TNR: variants seen among roughly 807,000 people sequenced by gnomAD.
TNR encodes the protein tenascin R.
In TNR, 45 loss-of-function variants were observed where a neutral mutation model predicts 150.4. That is an observed-to-expected ratio of 0.30 (90% CI 0.24 to 0.38). The LOEUF (loss-of-function observed/expected upper bound fraction) is 0.38. Among genes scored for constraint, TNR ranks in the 10% least tolerant of loss-of-function variants. TNR has a pLI of 1.00. For missense variants in TNR, 1,544 were observed against 1,759.1 expected, an observed-to-expected ratio of 0.88 and a Z score of 2.19; for synonymous variants, 687 against 678.4, an observed-to-expected ratio of 1.01 and a Z score of -0.20.
intron 1 of TNR, among the ~76,000 whole-genome samples, chr1:175,727,326 C>A (rs902376224): frequency 6.6e-6 from 1 of 152,154 alleles, no homozygotes. Context: ...TGCTGAGAGG[C>A]CAAGTACCAA....
At chr1:175,475,741 C>G (rs1051380929) in intron 2 of TNR, among the ~76,000 whole-genome samples, 2 of 151,934 alleles carry the variant, frequency 1.3e-5, no homozygotes, top group Admixed American at 6.6e-5. Flanking sequence ...AATTAAGAAC[C>G]CCATGTGTTC....
intron 1 of TNR, among the ~76,000 whole-genome samples, chr1:175,548,439 T>A (rs1660800554): frequency 6.6e-6 from 1 of 152,170 alleles, no homozygotes; most frequent in South Asian, 2.1e-4. Context: ...ATTGGTTTAC[T>A]GATGCCAAGT....
intron 18 of TNR, among the ~76,000 whole-genome samples, chr1:175,345,979 C>T (rs73036254): frequency 0.023 from 3,543 of 152,146 alleles, 137 homozygotes; most frequent in African/African-American, 0.08. Flanking sequence ...GATTAACATT[C>T]GACTTCTCAA....
At chr1:175,478,898 A>G (rs1190347140) in intron 2 of TNR, among the ~76,000 whole-genome samples, 1 of 152,210 alleles carries the variant, frequency 6.6e-6, no homozygotes, top group African/African-American at 2.4e-5. Flanking sequence ...GCAGACATTA[A>G]AAGGAAATAG....
Position 175,331,086 on chromosome 1 carries a change from T to C in TNR, c.3632-851A>G, listed in dbSNP as rs1287659320. Reference sequence around the variant, plus strand: ...CTTTCTTTCTTTCTTTCCTTCTTTCTTTCTTTCTTTCTTTCTCTCTCTCTT... The same window carrying C: ...CTTTCTTTCTTTCTTTCCTTCTTTCCTTCTTTCTTTCTTTCTCTCTCTCTT... On this transcript the variant is annotated intron_variant, in intron 20 of 22. Coordinates refer to ENST00000367674, the MANE Select transcript of TNR (RefSeq NM_003285.3). Among the ~76,000 whole-genome samples the C allele has an allele frequency of 1.8e-3, 189 of 105,722 alleles. 1 individual carries two copies. Among genetic ancestry groups the C allele is most frequent in the Middle Eastern group, 4.7e-3 (1 of 214 alleles). 69.4% of individuals were successfully genotyped at this position (105,722 alleles called of 152,430 possible). A position where few individuals can be genotyped will look rare whatever the true frequency, so the allele number is the denominator to read the frequency against.
intron 20 of TNR, among the ~76,000 whole-genome samples, chr1:175,334,724 T>C (rs1981474): frequency 0.74 from 113,264 of 152,146 alleles, 42,317 homozygotes; most frequent in East Asian, 0.8. Context: ...CCCTAGCCCC[T>C]TGCCCACCAA....
intron 1 of TNR, among the ~76,000 whole-genome samples, chr1:175,709,592 A>G (rs1666942416): frequency 6.6e-6 from 1 of 152,248 alleles, no homozygotes; most frequent in Non-Finnish European, 1.5e-5. Flanking sequence ...CACCCTATGC[A>G]GACACATTAG....
chr1:175,453,838 G>A (rs1203211821), intron 2 of TNR, among the ~76,000 whole-genome samples: 1 of 152,162 alleles, frequency 6.6e-6, no homozygotes, highest in Non-Finnish European at 1.5e-5. Flanking sequence ...CTCTCAAAGT[G>A]CTGGTGTTAC....
Position 175,599,444 on chromosome 1 carries a change from G to A in TNR, c.-164-71075C>T, listed in dbSNP as rs563099639. 6.6e-6 allele frequency among the ~76,000 whole-genome samples: 1 copy of A among 152,388 alleles called. No individual in the cohort carries two copies. Among genetic ancestry groups the A allele is most frequent in the South Asian group, 2.1e-4 (1 of 4,832 alleles). On this transcript the variant is annotated intron_variant, in intron 1 of 22. Coordinates refer to ENST00000367674, the MANE Select transcript of TNR (RefSeq NM_003285.3). This position sits in a 1 kb window ranked among gnomAD's most constrained non-coding sequence, Gnocchi z 4.7. ...ATGGCGACGGAAGCAGACCATTAGA[G>A]CATTACGAGGAAATGAGAAGACTTG...
At chr1:175,678,791 G>T (rs1195711553) in intron 1 of TNR, among the ~76,000 whole-genome samples, 1 of 152,238 alleles carries the variant, frequency 6.6e-6, no homozygotes, top group Non-Finnish European at 1.5e-5. Context: ...TGGTCAGGGA[G>T]GAGAGATAGA....
chr1:175,489,485 C>T (rs74127313), intron 2 of TNR, among the ~76,000 whole-genome samples: 18 of 152,290 alleles, frequency 1.2e-4, no homozygotes, highest in Non-Finnish European at 2.2e-4. Context: ...AGCTGGACAG[C>T]GTGTGATTTC....
chr1:175,737,122 T>C (rs1667793861), intron 1 of TNR, among the ~76,000 whole-genome samples: 1 of 152,222 alleles, frequency 6.6e-6, no homozygotes, highest in Admixed American at 6.5e-5. Flanking sequence ...CCCTGCCACC[T>C]ACTAGCTGTG....
chr1:175,707,897 G>C (rs1285405446), intron 1 of TNR, among the ~76,000 whole-genome samples: 1 of 151,950 alleles, frequency 6.6e-6, no homozygotes, highest in Non-Finnish European at 1.5e-5. Flanking sequence ...GCTTTAGTTT[G>C]GTGTTTTATA....
chr1:175,443,880 TACAA>T (rs1655910696), intron 2 of TNR, among the ~76,000 whole-genome samples: 1 of 152,210 alleles, frequency 6.6e-6, no homozygotes, highest in Admixed American at 6.5e-5. Flanking sequence ...TTACTGTCCC[TACAA>T]ATGCTCTGGT....
rs145623290 is a variant in TNR, at chr1:175,526,777, T to C, written c.-64+1492A>G. Among the ~76,000 whole-genome samples, 1,163 of 152,330 alleles carry C rather than the reference T, an allele frequency of 7.6e-3. 13 individuals are homozygous for C. Among genetic ancestry groups the C allele is most frequent in the African/African-American group, 0.026 (1,083 of 41,572 alleles). ...CAGCCTGTGAGCACCTGGGTTTGAA[T>C]TGCCAAGGAGCCATGAGGGGACCTG... is the stretch of plus-strand genomic sequence containing the variant. On this transcript the variant is annotated intron_variant, in intron 2 of 22. Transcript: ENST00000367674.
intron 2 of TNR, among the ~76,000 whole-genome samples, chr1:175,526,364 G>A (rs1234966565): frequency 6.6e-6 from 1 of 152,104 alleles, no homozygotes; most frequent in African/African-American, 2.4e-5. Flanking sequence ...CACAATTGAA[G>A]GACAGAACTC....
At chr1:175,369,736 C>A (rs1259067421) in intron 9 of TNR, among the ~76,000 whole-genome samples, 1 of 152,198 alleles carries the variant, frequency 6.6e-6, no homozygotes, top group Admixed American at 6.5e-5. Flanking sequence ...CTTCCTTCCA[C>A]CGCTCAGGGC....
chr1:175,726,838 T>A (rs957685067), intron 1 of TNR, among the ~76,000 whole-genome samples: 1 of 152,220 alleles, frequency 6.6e-6, no homozygotes, highest in Non-Finnish European at 1.5e-5. Context: ...TAATGGCTGT[T>A]TTTCAGTGAA....
chr1:175,431,583 G>A (rs986528748), intron 2 of TNR, among the ~76,000 whole-genome samples: 13 of 152,140 alleles, frequency 8.5e-5, no homozygotes, highest in African/African-American at 3.1e-4. Flanking sequence ...TAGCTTACTT[G>A]GAGTGGGCAC....
Sources: gnomAD v4.1 joint callset for allele counts (sites outside exome capture counted in the v4.1 genomes callset) on GRCh38, gnomAD v4.1.1 for gene constraint, Gnocchi (gnomAD v3.1) non-coding constraint, MANE v1.5 for transcripts, NCBI Gene and HGNC (gene_info 2026-07-23, HGNC 2026-07-21) for gene names.